Variants in DCC observed in about 807,000 individuals in gnomAD.
DCC encodes netrin receptor DCC.
In DCC, 58 loss-of-function variants were observed where a neutral mutation model predicts 172.5. The observed-to-expected ratio is 0.34, with a 90% CI of 0.27 to 0.42. The LOEUF (loss-of-function observed/expected upper bound fraction) is 0.42. Among genes scored for constraint, DCC ranks in the 10% least tolerant of loss-of-function variants. DCC has a pLI of 1.00. For missense variants in DCC, 1,740 were observed against 1,791.0 expected, an observed-to-expected ratio of 0.97 and a Z score of 0.51; for synonymous variants, 709 against 644.5, an observed-to-expected ratio of 1.10 and a Z score of -1.52.
At chr18:52,694,588 T>A (rs2035982212) in intron 1 of DCC, among the ~76,000 whole-genome samples, 2 of 150,774 alleles carry the variant, frequency 1.3e-5, no homozygotes, top group Non-Finnish European at 2.9e-5. Flanking sequence ...TCTTTTTACA[T>A]ATACTTCTTT....
chr18:52,776,402 A>G (rs528212896), intron 2 of DCC, among the ~76,000 whole-genome samples: 8 of 152,214 alleles, frequency 5.3e-5, no homozygotes, highest in African/African-American at 1.9e-4. Context: ...TTTAAAAGAA[A>G]AAGAAGGGTT....
intron 2 of DCC, among the ~76,000 whole-genome samples, chr18:52,826,878 G>T (rs975151739): frequency 2.0e-5 from 3 of 152,152 alleles, no homozygotes; most frequent in Non-Finnish European, 2.9e-5. Context: ...GAAATATATT[G>T]TATCTGTACT....
At chr18:53,175,780 C>G (rs1035035918) in intron 8 of DCC, among the ~76,000 whole-genome samples, 2 of 151,804 alleles carry the variant, frequency 1.3e-5, no homozygotes, top group East Asian at 1.9e-4. Flanking sequence ...TCAATGCCAT[C>G]CCCATCAAGC....
At chr18:52,567,632 G>A (rs1342114952) in intron 1 of DCC, among the ~76,000 whole-genome samples, 1 of 152,146 alleles carries the variant, frequency 6.6e-6, no homozygotes, top group African/African-American at 2.4e-5. Context: ...TCAACACAGA[G>A]TATGGAATGA....
chr18:52,792,896 G>T (rs1036499386), intron 2 of DCC, among the ~76,000 whole-genome samples: 18 of 31,124 alleles, frequency 5.8e-4, no homozygotes, highest in African/African-American at 2.7e-3. Context: ...AGATTTTGAG[G>T]TTTTTCTCCA....
chr18:52,946,203 AC>A (rs2040542167), intron 5 of DCC, among the ~76,000 whole-genome samples: 1 of 152,142 alleles, frequency 6.6e-6, no homozygotes, highest in Admixed American at 6.5e-5. Context: ...AACTAATTGT[AC>A]CTCTTTGTTT....
At position 52,606,730 on chromosome 18, in the gene DCC, A is replaced by C. The variant is rs76805117; in HGVS notation, c.92-145324A>C. 2.2e-3 allele frequency among the ~76,000 whole-genome samples: 332 copies of C among 152,274 alleles called. 6 individuals carry two copies. The highest frequency in any genetic ancestry group is 7.6e-3 in the African/African-American group (316 of 41,570). On this transcript the variant is annotated intron_variant, in intron 1 of 28. Transcript: ENST00000442544. ...ATTTTCTAGTTTGTTTCTTTATATC[A>C]GAATTGCTTTTGTAACTGGCTCAGG...
intron 15 of DCC, among the ~76,000 whole-genome samples, chr18:53,359,152 G>C (rs778199438): frequency 6.6e-6 from 1 of 152,170 alleles, no homozygotes; most frequent in Non-Finnish European, 1.5e-5. Flanking sequence ...TCATATAAGA[G>C]AGTTGCAGGA....
chr18:52,370,737 A>G (rs1985084308), intron 1 of DCC, among the ~76,000 whole-genome samples: 1 of 152,248 alleles, frequency 6.6e-6, no homozygotes, highest in South Asian at 2.1e-4. Context: ...AAAGAAAAAA[A>G]CATGTAGTAA....
chr18:53,396,327 T>C (rs189189512), intron 17 of DCC, among the ~76,000 whole-genome samples: 1 of 152,174 alleles, frequency 6.6e-6, no homozygotes, highest in Non-Finnish European at 1.5e-5. Flanking sequence ...ATATGGAAAA[T>C]ATACTTTAAT....
At chr18:53,482,367 C>A (rs1403659454) in intron 25 of DCC, among the ~76,000 whole-genome samples, 1 of 152,114 alleles carries the variant, frequency 6.6e-6, no homozygotes, top group African/African-American at 2.4e-5. Context: ...TATTTGTAAA[C>A]CCTTTGTAAT....
intron 1 of DCC, among the ~76,000 whole-genome samples, chr18:52,636,238 G>A (rs2034777936): frequency 6.6e-6 from 1 of 152,114 alleles, no homozygotes; most frequent in Non-Finnish European, 1.5e-5. Context: ...GGCACCACAG[G>A]GATCCAACGA....
intron 1 of DCC, among the ~76,000 whole-genome samples, chr18:52,489,589 G>C (rs979667045): frequency 3.3e-5 from 5 of 152,098 alleles, no homozygotes; most frequent in African/African-American, 1.2e-4. Context: ...TTCTGGCCTT[G>C]ATTCTACTCA....
chr18:52,900,248 T>C (rs751801861), intron 2 of DCC, among the ~76,000 whole-genome samples: 1 of 152,200 alleles, frequency 6.6e-6, no homozygotes, highest in Non-Finnish European at 1.5e-5. Flanking sequence ...GGGTAGTTAA[T>C]AAATGTTCTA....
At chr18:52,869,496 A>G (rs2039283387) in intron 2 of DCC, among the ~76,000 whole-genome samples, 1 of 152,198 alleles carries the variant, frequency 6.6e-6, no homozygotes, top group Non-Finnish European at 1.5e-5. Flanking sequence ...CTCTGGTCAC[A>G]GGACTGGCAG....
At chr18:52,494,962 TA>T (rs1253527726) in intron 1 of DCC, among the ~76,000 whole-genome samples, 1 of 152,136 alleles carries the variant, frequency 6.6e-6, no homozygotes, top group African/African-American at 2.4e-5. Flanking sequence ...ACTAGGAAGA[TA>T]AAGTGGGAGC....
chr18:52,937,860 C>T (rs1241454906), intron 5 of DCC, among the ~76,000 whole-genome samples: 1 of 152,042 alleles, frequency 6.6e-6, no homozygotes, highest in African/African-American at 2.4e-5. Context: ...CAACCTACTC[C>T]AGTGTACACT....
intron 5 of DCC, among the ~76,000 whole-genome samples, chr18:53,056,244 T>G (rs1330308505): frequency 6.6e-6 from 1 of 152,078 alleles, no homozygotes; most frequent in Non-Finnish European, 1.5e-5. Flanking sequence ...AGACAGGAAG[T>G]GCCACAGTTT....
rs1400825838 is a variant in DCC at position 52,725,657 on chromosome 18, G to A, written c.92-26397G>A. Among the ~76,000 whole-genome samples, 2 of 152,146 alleles carry A rather than the reference G, an allele frequency of 1.3e-5. 1 individual carries two copies. The highest frequency in any genetic ancestry group is 4.1e-4 in the South Asian group (2 of 4,830). On this transcript the variant is annotated intron_variant, in intron 1 of 28. Transcript: ENST00000442544. Reference sequence around the variant, plus strand: ...GGAGGTATGCGACTCATGGGAGAGGGTGGTTTTATCTTACTAGGAGTAAAG... The same window carrying A: ...GGAGGTATGCGACTCATGGGAGAGGATGGTTTTATCTTACTAGGAGTAAAG...
Sources: allele counts gnomAD v4.1 joint callset (sites outside exome capture counted in the v4.1 genomes callset), GRCh38; gene constraint gnomAD v4.1.1; transcripts MANE v1.5; gene names NCBI Gene and HGNC (gene_info 2026-07-23, HGNC 2026-07-21).